R3HDM1: variants seen among roughly 807,000 people sequenced by gnomAD.
R3HDM1 encodes the protein R3H domain containing 1.
Under a neutral mutation model 141.1 loss-of-function variants are expected in R3HDM1, and 46 were observed. That is an observed-to-expected ratio of 0.33 (90% CI 0.26 to 0.42). R3HDM1 has a LOEUF of 0.42. R3HDM1 is among the 10% of genes least tolerant of loss of function. R3HDM1 has a pLI of 1.00. For missense variants in R3HDM1, 1,184 were observed against 1,368.3 expected (o/e 0.87, Z 2.12); for synonymous variants, 435 against 472.9 (o/e 0.92, Z 1.04).
At chr2:135,627,169 G>A (rs999230802) in intron 7 of R3HDM1, among the ~76,000 whole-genome samples, 5 of 152,138 alleles carry the variant, frequency 3.3e-5, no homozygotes, top group African/African-American at 1.2e-4. Flanking sequence ...TCTCAGTGAA[G>A]CATACAGCTA....
intron 1 of R3HDM1, among the ~76,000 whole-genome samples, chr2:135,540,405 T>C (rs1160603089): frequency 6.6e-6 from 1 of 152,190 alleles, no homozygotes; most frequent in Non-Finnish European, 1.5e-5. Flanking sequence ...AAAGTTGATA[T>C]TTTGACCTCC....
rs368681802 is a variant in R3HDM1, at chr2:135,724,121, C to T, written c.3234C>T (p.Arg1078=). 37 of 1,613,964 alleles carry T rather than the reference C, an allele frequency of 2.3e-5. No homozygotes were observed. The highest frequency in any genetic ancestry group is 3.0e-5 in the Non-Finnish European group (35 of 1,180,028). ...GSGDNTANPE[R]SKPSDLASTY... Reference sequence around the variant, plus strand: ...GGGACAACACTGCCAACCCTGAACGCTCTAAACCCAGTGACTTGGCCTCCA... The same window carrying T: ...GGGACAACACTGCCAACCCTGAACGTTCTAAACCCAGTGACTTGGCCTCCA... The change falls in exon 27 of 27, where the codon CGC becomes CGT. Residue 1078 remains arginine (R), a synonymous_variant. Coordinates refer to ENST00000683871, the MANE Select transcript of R3HDM1 (RefSeq NM_001378107.1).
intron 23 of R3HDM1, among the ~76,000 whole-genome samples, chr2:135,711,011 G>A (rs1331393180): frequency 6.6e-6 from 1 of 152,170 alleles, no homozygotes; most frequent in East Asian, 1.9e-4. Flanking sequence ...GAATTAGAGA[G>A]ACAGCCCTGA....
intron 3 of R3HDM1, among the ~76,000 whole-genome samples, chr2:135,609,234 C>T (rs1003275783): frequency 6.6e-6 from 1 of 152,140 alleles, no homozygotes; most frequent in African/African-American, 2.4e-5. Context: ...TTTCTACTTT[C>T]ACTAGTTTTC....
At chr2:135,713,330 T>C (rs181493340) in intron 23 of R3HDM1, among the ~76,000 whole-genome samples, 1 of 152,338 alleles carries the variant, frequency 6.6e-6, no homozygotes, top group East Asian at 1.9e-4. Flanking sequence ...GGAAGACCAA[T>C]AATCTGCCGT....
At chr2:135,711,979 A>C (rs2075697135) in intron 23 of R3HDM1, among the ~76,000 whole-genome samples, 1 of 151,372 alleles carries the variant, frequency 6.6e-6, no homozygotes, top group Non-Finnish European at 1.5e-5. Context: ...AAAAAAAAAA[A>C]AAAAAAAAAG....
chr2:135,658,245 A>G (rs1469660588), intron 18 of R3HDM1, among the ~76,000 whole-genome samples: 1 of 152,092 alleles, frequency 6.6e-6, no homozygotes, highest in Admixed American at 6.6e-5. Flanking sequence ...AGCTCACCAC[A>G]ACTTCCGCCT....
At chr2:135,703,700 G>C (rs1346912058) in intron 21 of R3HDM1, among the ~76,000 whole-genome samples, 1 of 151,766 alleles carries the variant, frequency 6.6e-6, no homozygotes, top group African/African-American at 2.4e-5. Context: ...CATTTAACCA[G>C]AAAGCCCAGA....
chr2:135,627,454 A>T (rs762658021), intron 7 of R3HDM1, among the ~76,000 whole-genome samples: 45 of 152,178 alleles, frequency 3.0e-4, no homozygotes, highest in Non-Finnish European at 1.6e-4. Context: ...GGTGTCTGCA[A>T]TATTTTCAGA....
At chr2:135,707,471 C>T (rs888954234) in intron 21 of R3HDM1, among the ~76,000 whole-genome samples, 8 of 152,194 alleles carry the variant, frequency 5.3e-5, no homozygotes, top group Admixed American at 3.3e-4. Flanking sequence ...ATTTACCTAA[C>T]GGGTAATCTA....
intron 1 of R3HDM1, among the ~76,000 whole-genome samples, chr2:135,532,191 G>A (rs1490706221): frequency 6.6e-6 from 1 of 152,192 alleles, no homozygotes; most frequent in African/African-American, 2.4e-5. Flanking sequence ...TCGACCGGTT[G>A]GTAAAATGTA....
chr2:135,602,109 A>G (rs188714306), intron 1 of R3HDM1, among the ~76,000 whole-genome samples: 1 of 152,152 alleles, frequency 6.6e-6, no homozygotes, highest in Admixed American at 6.6e-5. Context: ...TCTTAAGTCC[A>G]TAGAGTTACA....
chr2:135,676,008 T>C (rs139465708), intron 20 of R3HDM1, among the ~76,000 whole-genome samples: 1 of 152,310 alleles, frequency 6.6e-6, no homozygotes, highest in East Asian at 1.9e-4. Context: ...CAAAAAGCGA[T>C]GATATGTCTC....
intron 3 of R3HDM1, chr2:135,608,035 G>T: frequency 1.1e-6 from 1 of 941,922 alleles, no homozygotes; most frequent in Non-Finnish European, 1.3e-6. Context: ...TACTATATGG[G>T]CCGGGCGCAG....
At chr2:135,644,273 C>T (rs60966546) in intron 15 of R3HDM1, among the ~76,000 whole-genome samples, 32,016 of 152,112 alleles carry the variant, frequency 0.21, 3,929 homozygotes, top group East Asian at 0.45. Context: ...GAGACCAAGG[C>T]GGGTGGATCA....
At chr2:135,592,094 GTT>G (rs1473889482) in intron 1 of R3HDM1, among the ~76,000 whole-genome samples, 1 of 152,176 alleles carries the variant, frequency 6.6e-6, no homozygotes, top group African/African-American at 2.4e-5. Context: ...AAGTCAGACA[GTT>G]TATCACATTC....
chr2:135,661,530 T>C, intron 19 of R3HDM1, 137 bp downstream of exon 19: 1 of 1,137,732 alleles, frequency 8.8e-7, no homozygotes. Flanking sequence ...TGCAAACCAA[T>C]GAGATTAAAA....
At chr2:135,691,210 T>A (rs1176036925) in intron 21 of R3HDM1, among the ~76,000 whole-genome samples, 2 of 152,248 alleles carry the variant, frequency 1.3e-5, no homozygotes, top group Admixed American at 6.5e-5. Flanking sequence ...TGATAAATTT[T>A]GATGTACCTC....
At chr2:135,707,901 T>C (rs750855929) in intron 21 of R3HDM1, among the ~76,000 whole-genome samples, 8 of 152,222 alleles carry the variant, frequency 5.3e-5, no homozygotes, top group Admixed American at 1.3e-4. Flanking sequence ...TTCCCTTTTA[T>C]TGAACCGCTC....
Sources: allele counts gnomAD v4.1 joint callset (sites outside exome capture counted in the v4.1 genomes callset), GRCh38; gene constraint gnomAD v4.1.1; transcripts MANE v1.5; gene names NCBI Gene and HGNC (gene_info 2026-07-23, HGNC 2026-07-21).